Variants in GMDS observed in about 807,000 individuals in gnomAD.
The protein encoded by GMDS is GDP-mannose 4,6-dehydratase, also known as GDP-mannose 4,6 dehydratase.
A neutral mutation model predicts 49.9 loss-of-function variants in GMDS; 20 were observed. That is an observed-to-expected ratio of 0.40 (90% CI 0.28 to 0.58). GMDS has a LOEUF of 0.58. Among genes scored for constraint, GMDS ranks in the 20% least tolerant of loss-of-function variants. GMDS has a pLI of 0.42. For synonymous variants in GMDS, 177 were observed against 178.6 expected (o/e 0.99, Z 0.07); for missense variants, 362 against 481.4 (o/e 0.75, Z 2.32).
At chr6:2,115,673 A>G (rs1774805166) in intron 4 of GMDS, 98 bp downstream of exon 4, 1 of 719,830 alleles carries the variant, frequency 1.4e-6, no homozygotes, top group African/African-American at 1.7e-5. Flanking sequence ...GAAGACTAAG[A>G]CCAGTGATTA....
intron 1 of GMDS, 40 bp from the exon 2 acceptor site, chr6:2,124,771 G>A (rs1351386230): frequency 1.3e-6 from 2 of 1,525,710 alleles, no homozygotes; most frequent in South Asian, 1.1e-5. Context: ...CAGTCTCATA[G>A]TGGTATAGAA....
At chr6:2,164,186 G>A (rs1299208035) in intron 1 of GMDS, among the ~76,000 whole-genome samples, 2 of 152,170 alleles carry the variant, frequency 1.3e-5, no homozygotes, top group African/African-American at 2.4e-5. Context: ...GTGAGTATAT[G>A]TCAACAAATT....
At chr6:1,942,629 T>C (rs550598093) in intron 6 of GMDS, among the ~76,000 whole-genome samples, 10 of 152,056 alleles carry the variant, frequency 6.6e-5, no homozygotes, top group South Asian at 2.1e-4. Flanking sequence ...TCTAGTTTCA[T>C]AGAAAAAACT....
intron 4 of GMDS, among the ~76,000 whole-genome samples, chr6:1,988,813 G>A (rs901981805): frequency 7.9e-5 from 12 of 151,880 alleles, no homozygotes; most frequent in African/African-American, 2.2e-4. Flanking sequence ...AGCTAGCTTT[G>A]AGAGATGAAT....
chr6:1,664,939 C>A (rs1222752539), intron 9 of GMDS, among the ~76,000 whole-genome samples: 1 of 152,198 alleles, frequency 6.6e-6, no homozygotes, highest in Non-Finnish European at 1.5e-5. Context: ...TCACACACCA[C>A]ACGTGCTATG....
chr6:1,860,864 G>T (rs913029827), intron 7 of GMDS, among the ~76,000 whole-genome samples: 1 of 152,166 alleles, frequency 6.6e-6, no homozygotes, highest in African/African-American at 2.4e-5. Flanking sequence ...TGATGGGAAG[G>T]AGAGAGGAAC....
intron 4 of GMDS, among the ~76,000 whole-genome samples, chr6:1,980,224 C>T (rs751083716): frequency 4.6e-5 from 7 of 152,008 alleles, no homozygotes; most frequent in Admixed American, 2.6e-4. Context: ...GGGCTAAATG[C>T]TCCAATTAAA....
Position 2,013,091 on chromosome 6 carries a change from C to T in GMDS, c.346-52125G>A, listed in dbSNP as rs189173051. Among the ~76,000 whole-genome samples the T allele has an allele frequency of 3.4e-3, 514 of 152,190 alleles. 1 individual carries two copies. Among genetic ancestry groups the T allele is most frequent in the Non-Finnish European group, 4.7e-3 (323 of 68,014 alleles). On this transcript the variant is annotated intron_variant, in intron 4 of 10. Transcript: ENST00000380815. ...TTCTGGCCACAGGCCAGAAATTCAG[C>T]CTCATTTTAAAAATAGGACCTTACC...
At chr6:1,888,132 T>A (rs1759694255) in intron 7 of GMDS, among the ~76,000 whole-genome samples, 1 of 103,902 alleles carries the variant, frequency 9.6e-6, no homozygotes, top group South Asian at 3.0e-4. Context: ...ATTATTATTA[T>A]TATTTTTTTT....
At chr6:2,165,153 ACT>A (rs935603643) in intron 1 of GMDS, among the ~76,000 whole-genome samples, 1 of 152,138 alleles carries the variant, frequency 6.6e-6, no homozygotes. Flanking sequence ...CATCCTGGAA[ACT>A]CTGCTCCTCT....
intron 1 of GMDS, among the ~76,000 whole-genome samples, chr6:2,214,680 T>C (rs1780239401): frequency 6.6e-6 from 1 of 152,136 alleles, no homozygotes; most frequent in Non-Finnish European, 1.5e-5. Flanking sequence ...TTTACATAAA[T>C]TTTCTTTCTT....
intron 4 of GMDS, among the ~76,000 whole-genome samples, chr6:2,066,483 A>C (rs1294663545): frequency 2.0e-5 from 3 of 151,648 alleles, no homozygotes. Flanking sequence ...AAATTGGATA[A>C]AGAGTCAAGA....
intron 7 of GMDS, among the ~76,000 whole-genome samples, chr6:1,910,544 C>T (rs1467413091): frequency 1.3e-5 from 2 of 152,042 alleles, no homozygotes; most frequent in African/African-American, 4.8e-5. Flanking sequence ...CTGTGTTGAA[C>T]TCCAGCCCCC....
chr6:1,690,676 C>T (rs1353486288), intron 9 of GMDS, among the ~76,000 whole-genome samples: 2 of 152,156 alleles, frequency 1.3e-5, no homozygotes, highest in Non-Finnish European at 2.9e-5. Flanking sequence ...AAAAACCAAA[C>T]AACTCCATTA....
intron 7 of GMDS, among the ~76,000 whole-genome samples, chr6:1,826,325 C>A (rs1020563698): frequency 6.6e-6 from 1 of 152,158 alleles, no homozygotes; most frequent in African/African-American, 2.4e-5. Flanking sequence ...CTGACCGAAA[C>A]GTCATTATGT....
chr6:1,628,057 C>T (rs1383610667), intron 9 of GMDS, among the ~76,000 whole-genome samples: 1 of 152,190 alleles, frequency 6.6e-6, no homozygotes, highest in African/African-American at 2.4e-5. Context: ...CGGGAGTTGT[C>T]CTTTAGCTGT....
chr6:2,060,796 G>A (rs946408661), intron 4 of GMDS, among the ~76,000 whole-genome samples: 2 of 152,082 alleles, frequency 1.3e-5, no homozygotes, highest in African/African-American at 2.4e-5. Flanking sequence ...TTGGGAGGCC[G>A]AGGTGGGTGG....
At chr6:2,033,557 A>C (rs1302450134) in intron 4 of GMDS, among the ~76,000 whole-genome samples, 1 of 152,224 alleles carries the variant, frequency 6.6e-6, no homozygotes, top group Non-Finnish European at 1.5e-5. Context: ...AAAAATTAAC[A>C]ATGTTTGATT....
chr6:1,826,776 C>T (rs1771130210), intron 7 of GMDS, among the ~76,000 whole-genome samples: 1 of 151,992 alleles, frequency 6.6e-6, no homozygotes, highest in Non-Finnish European at 1.5e-5. Flanking sequence ...TATAATTTAA[C>T]AAATATCTGG....
Sources: gnomAD v4.1 joint callset for allele counts (sites outside exome capture counted in the v4.1 genomes callset) on GRCh38, gnomAD v4.1.1 for gene constraint, MANE v1.5 for transcripts, NCBI Gene and HGNC (gene_info 2026-07-23, HGNC 2026-07-21) for gene names.